Variants in PACRG observed in about 807,000 individuals in gnomAD.
The protein encoded by PACRG is parkin coregulated gene protein.
PACRG carries 29 observed loss-of-function variants against 29.7 expected under a neutral mutation model. That is an observed-to-expected ratio of 0.98 (90% CI 0.73 to 1.33). PACRG has a LOEUF of 1.33. Among genes scored for constraint, PACRG ranks in the 40% most tolerant of loss-of-function variants. The pLI, the probability that PACRG is intolerant of heterozygous loss-of-function variation, is 0.00. For synonymous variants in PACRG, 116 were observed against 118.7 expected, an observed-to-expected ratio of 0.98 and a Z score of 0.15; for missense variants, 279 against 316.2, an observed-to-expected ratio of 0.88 and a Z score of 0.89.
chr6:162,962,824 G>T (rs1365778852), intron 2 of PACRG, among the ~76,000 whole-genome samples: 1 of 152,196 alleles, frequency 6.6e-6, no homozygotes, highest in Non-Finnish European at 1.5e-5. Flanking sequence ...GAAGACAATG[G>T]ATAGTGACTG....
chr6:163,279,576 T>G (rs186269537), intron 4 of PACRG, among the ~76,000 whole-genome samples: 2 of 152,316 alleles, frequency 1.3e-5, no homozygotes, highest in Admixed American at 1.3e-4. Flanking sequence ...TTTTCTCCAG[T>G]AGTCTTGCTG....
chr6:163,284,088 G>T (rs555230740), intron 4 of PACRG, among the ~76,000 whole-genome samples: 1 of 152,050 alleles, frequency 6.6e-6, no homozygotes. Flanking sequence ...ACTCCAGCCT[G>T]GGCAACAAGA....
At chr6:162,930,813 G>A (rs1043031487) in intron 2 of PACRG, among the ~76,000 whole-genome samples, 12 of 151,518 alleles carry the variant, frequency 7.9e-5, no homozygotes, top group African/African-American at 2.9e-4. Context: ...CTTGAATTTT[G>A]TCAAATGCTT....
At chr6:162,806,316 C>G (rs898457369) in intron 1 of PACRG, among the ~76,000 whole-genome samples, 2 of 151,804 alleles carry the variant, frequency 1.3e-5, no homozygotes, top group African/African-American at 4.8e-5. Flanking sequence ...CCATGTTGGT[C>G]AGGCTGGTCT....
chr6:162,791,267 T>C (rs10806767), intron 1 of PACRG, among the ~76,000 whole-genome samples: 96,755 of 148,568 alleles, frequency 0.65, 32,159 homozygotes, highest in South Asian at 0.82. Context: ...TTTGTGGGTA[T>C]ATTTGCTCTC....
chr6:163,140,679 A>G (rs539638545), intron 4 of PACRG, among the ~76,000 whole-genome samples: 227 of 152,366 alleles, frequency 1.5e-3, no homozygotes, highest in Admixed American at 3.1e-3. Flanking sequence ...GGCAGCCCAC[A>G]CAATAAAAAT....
At chr6:162,931,617 A>G (rs529723727) in intron 2 of PACRG, among the ~76,000 whole-genome samples, 3 of 152,128 alleles carry the variant, frequency 2.0e-5, no homozygotes, top group Admixed American at 6.5e-5. Context: ...GTGAAAAATC[A>G]GTTGTCTCCA....
chr6:162,913,072 C>A (rs1796424174), intron 2 of PACRG, among the ~76,000 whole-genome samples: 1 of 152,078 alleles, frequency 6.6e-6, no homozygotes, highest in South Asian at 2.1e-4. Context: ...CCAATGTAAG[C>A]CTTTAGGCTT....
At chr6:162,934,967 T>G (rs1798127800) in intron 2 of PACRG, among the ~76,000 whole-genome samples, 1 of 152,206 alleles carries the variant, frequency 6.6e-6, no homozygotes, top group African/African-American at 2.4e-5. Context: ...CATTCTTGGC[T>G]GATAGTTGTT....
At chr6:163,025,738 G>T (rs1433274078) in intron 2 of PACRG, among the ~76,000 whole-genome samples, 1 of 152,214 alleles carries the variant, frequency 6.6e-6, no homozygotes, top group Non-Finnish European at 1.5e-5. Flanking sequence ...AGGGGCTGTG[G>T]TTCCCAACAG....
Position 163,178,446 on chromosome 6 carries a change from C to T in PACRG, c.613+89038C>T, listed in dbSNP as rs148336761. Among the ~76,000 whole-genome samples, 626 of 152,224 alleles carry T rather than the reference C, an allele frequency of 4.1e-3. 18 individuals carry two copies. Among genetic ancestry groups the T allele is most frequent in the East Asian group, 6.4e-3 (33 of 5,164 alleles). ...AACTCAAACGAGAAGGCCCGGGCTC[C>T]GGCAGCCACCTTTGGCTATGGAGTA... is the stretch of plus-strand genomic sequence containing the variant. On this transcript the variant is annotated intron_variant, in intron 4 of 4. Transcript: ENST00000366888.
intron 3 of PACRG, among the ~76,000 whole-genome samples, 191 bp from the exon 4 acceptor site, chr6:163,089,068 A>T (rs74662971): frequency 0.01 from 1,555 of 152,306 alleles, 33 homozygotes; most frequent in African/African-American, 0.036. Flanking sequence ...AATAAACAGT[A>T]ATCAGACAAG....
intron 1 of PACRG, among the ~76,000 whole-genome samples, chr6:162,809,518 A>C (rs955928699): frequency 1.3e-5 from 2 of 152,200 alleles, no homozygotes; most frequent in Admixed American, 1.3e-4. Flanking sequence ...TAAGTTATCT[A>C]TATCGATTTA....
intron 1 of PACRG, among the ~76,000 whole-genome samples, chr6:162,802,319 T>G (rs1183582754): frequency 6.6e-6 from 1 of 152,186 alleles, no homozygotes; most frequent in Non-Finnish European, 1.5e-5. Flanking sequence ...TTAACTCTGT[T>G]TCTAGTAAAT....
chr6:162,985,905 A>G (rs1309985941), intron 2 of PACRG, among the ~76,000 whole-genome samples: 1 of 152,102 alleles, frequency 6.6e-6, no homozygotes, highest in Admixed American at 6.6e-5. Context: ...TCTGCTATAC[A>G]CCAACAGTGA....
At chr6:163,156,956 G>A (rs1250448607) in intron 4 of PACRG, among the ~76,000 whole-genome samples, 8 of 152,122 alleles carry the variant, frequency 5.3e-5, no homozygotes, top group Admixed American at 3.3e-4. Context: ...TCCCTATCTC[G>A]AGGTCTTTAA....
At chr6:162,987,474 C>T (rs758540040) in intron 2 of PACRG, among the ~76,000 whole-genome samples, 11 of 152,050 alleles carry the variant, frequency 7.2e-5, no homozygotes, top group Admixed American at 3.3e-4. Flanking sequence ...AATTGAATCA[C>T]GGGGGTGGGT....
At chr6:162,950,875 A>G (rs1240795919) in intron 2 of PACRG, among the ~76,000 whole-genome samples, 1 of 152,230 alleles carries the variant, frequency 6.6e-6, no homozygotes, top group African/African-American at 2.4e-5. Flanking sequence ...AAACCAGTTG[A>G]TGAAAATAAG....
chr6:163,189,758 T>C (rs1305960227), intron 4 of PACRG: 1 of 152,264 alleles, frequency 6.6e-6, no homozygotes, highest in Non-Finnish European at 1.5e-5. Context: ...GCCATCAGCA[T>C]CAACAGGCAG....
Sources: allele counts gnomAD v4.1 joint callset (sites outside exome capture counted in the v4.1 genomes callset), GRCh38; gene constraint gnomAD v4.1.1; transcripts MANE v1.5; gene names NCBI Gene and HGNC (gene_info 2026-07-23, HGNC 2026-07-21).